RDX: variants seen among roughly 807,000 people sequenced by gnomAD.
RDX encodes radixin.
RDX carries 32 observed loss-of-function variants against 83.7 expected under a neutral mutation model. The ratio of observed to expected loss-of-function variants is 0.38; its 90% confidence interval spans 0.29 to 0.51. The LOEUF (loss-of-function observed/expected upper bound fraction) is 0.51. Ranked by LOEUF, RDX falls within the 20% of genes least tolerant of loss-of-function variation. The probability of loss-of-function intolerance (pLI) is 0.87; values close to 1 mark genes in which losing one functional copy is unlikely to be tolerated. For synonymous variants in RDX, 229 were observed against 222.7 expected (o/e 1.03, Z -0.25); for missense variants, 600 against 689.9 (o/e 0.87, Z 1.46).
chr11:110,264,727 A>G (rs1191465166), intron 4 of RDX, 52 bp downstream of exon 4: 18 of 1,338,488 alleles, frequency 1.3e-5, no homozygotes, highest in Non-Finnish European at 1.7e-5. Context: ...GCACAAATTC[A>G]TAACTTCAAC....
At chr11:110,264,519 A>C (rs1859939745) in intron 4 of RDX, among the ~76,000 whole-genome samples, 1 of 152,076 alleles carries the variant, frequency 6.6e-6, no homozygotes, top group Non-Finnish European at 1.5e-5. Flanking sequence ...TGAAGTACTT[A>C]GTATGCCATT....
rs1360629846 is a variant in RDX at position 110,267,321 on chromosome 11, T to G, written c.97-2447A>C. On this transcript the variant is annotated intron_variant, in intron 3 of 13. Transcript: ENST00000645495. ...TGAGGCTAAGAGTTCAAGACCAGCC[T>G]GGTCAACATGGTGAAACCCCATCTC... Among the ~76,000 whole-genome samples the G allele has an allele frequency of 2.6e-5, 4 of 152,012 alleles. No individual in the cohort carries two copies. The East Asian group carries it at 5.9e-4, about 22-fold the overall frequency.
chr11:110,187,776 G>A (rs1029827741), intron 15 of RDX, among the ~76,000 whole-genome samples: 1 of 152,236 alleles, frequency 6.6e-6, no homozygotes, highest in Admixed American at 6.5e-5. Context: ...CCCTTCCGGG[G>A]GTTGAGCAGG....
At chr11:110,254,668 G>A (rs547266410) in intron 8 of RDX, among the ~76,000 whole-genome samples, 1 of 152,124 alleles carries the variant, frequency 6.6e-6, no homozygotes, top group Non-Finnish European at 1.5e-5. Flanking sequence ...TAGAGATGAA[G>A]TTTCACCACG....
intron 14 of RDX, among the ~76,000 whole-genome samples, chr11:110,210,046 C>T (rs1175854231): frequency 1.9e-4 from 21 of 112,944 alleles, no homozygotes; most frequent in Admixed American, 4.5e-4. Flanking sequence ...CTCTGAGCTA[C>T]GGGAGGACAT....
At chr11:110,295,129 C>A (rs1337561857) in intron 1 of RDX, among the ~76,000 whole-genome samples, 1 of 152,100 alleles carries the variant, frequency 6.6e-6, no homozygotes, top group African/African-American at 2.4e-5. Flanking sequence ...ATAAAGCACA[C>A]TGGGGAAAGC....
intron 15 of RDX, among the ~76,000 whole-genome samples, chr11:110,186,252 C>G (rs1206856342): frequency 6.6e-6 from 1 of 152,290 alleles, no homozygotes; most frequent in East Asian, 1.9e-4. Flanking sequence ...TAAACACACA[C>G]TGCAGTCTTT....
At chr11:110,184,507 T>A (rs575748540) in intron 15 of RDX, among the ~76,000 whole-genome samples, 1 of 151,714 alleles carries the variant, frequency 6.6e-6, no homozygotes, top group Non-Finnish European at 1.5e-5. Flanking sequence ...GCAGGGTGGG[T>A]GGTAGAGCCT....
chr11:110,266,264 C>T (rs935205090), intron 3 of RDX, among the ~76,000 whole-genome samples: 2 of 151,444 alleles, frequency 1.3e-5, no homozygotes, highest in Non-Finnish European at 2.9e-5. Context: ...ACCCGGGAAG[C>T]GGAGCTTGCA....
chr11:110,206,924 T>C (rs750849484), intron 14 of RDX, among the ~76,000 whole-genome samples: 9 of 152,138 alleles, frequency 5.9e-5, no homozygotes, highest in Admixed American at 2.0e-4. Flanking sequence ...CAAAGTGTGG[T>C]CCCAAAACAG....
intron 15 of RDX, among the ~76,000 whole-genome samples, chr11:110,178,559 TGGGAAGACG>T: frequency 6.6e-6 from 1 of 152,282 alleles, no homozygotes; most frequent in South Asian, 2.1e-4. Flanking sequence ...GATCATGCTG[TGGGAAGACG>T]GGACAGGTTC....
chr11:110,284,528 T>TA (rs1169907990), intron 1 of RDX, among the ~76,000 whole-genome samples: 1 of 9,872 alleles, frequency 1.0e-4, no homozygotes, highest in African/African-American at 4.9e-4. Flanking sequence ...TTATTATTAT[T>TA]TTTTTTTTTT....
At chr11:110,179,460 A>G (rs1023759211) in intron 15 of RDX, among the ~76,000 whole-genome samples, 1 of 152,184 alleles carries the variant, frequency 6.6e-6, no homozygotes, top group African/African-American at 2.4e-5. Flanking sequence ...CTGCCTCCAC[A>G]GAGTAATCAG....
chr11:110,182,775 T>C (rs11821648), intron 15 of RDX, among the ~76,000 whole-genome samples: 1,566 of 152,326 alleles, frequency 0.01, 35 homozygotes, highest in African/African-American at 0.036. Flanking sequence ...GTGAGCAGGC[T>C]GTCCGGGGTA....
chr11:110,224,221 TA>T (rs1298726577), intron 14 of RDX, among the ~76,000 whole-genome samples: 6,290 of 146,366 alleles, frequency 0.043, 399 homozygotes, highest in African/African-American at 0.14. Flanking sequence ...ATATATATAT[TA>T]AAAAAAAAAA....
chr11:110,264,591 CTT>C (rs1322878145), intron 4 of RDX, among the ~76,000 whole-genome samples, 186 bp downstream of exon 4: 11 of 137,098 alleles, frequency 8.0e-5, no homozygotes, highest in Admixed American at 7.3e-5. Context: ...GTAAGCATTT[CTT>C]TTTTTTTTTT....
At chr11:110,204,307 T>C (rs1591509158) in intron 14 of RDX, among the ~76,000 whole-genome samples, 1 of 147,486 alleles carries the variant, frequency 6.8e-6, no homozygotes, top group Non-Finnish European at 1.5e-5. Flanking sequence ...CAGCCAGAAA[T>C]AGTTTTCAAA....
Position 110,221,601 on chromosome 11 carries a change from AACACACACACACAC to A in RDX, c.1748+10258_1748+10271del, listed in dbSNP as rs60766252. ...CAACAGAGCAAGACCCTGTCTCCAA[AACACACACACACAC>A]ACACACACACACACACACACACACA... On this transcript the variant is annotated intron_variant, in intron 14 of 15. Transcript: ENST00000528498. Among the ~76,000 whole-genome samples, 266 of 133,594 alleles carry A rather than the reference AACACACACACACAC, an allele frequency of 2.0e-3. 1 individual carries two copies. The highest frequency in any genetic ancestry group is 6.5e-3 in the African/African-American group (228 of 34,810). 87.6% of individuals were successfully genotyped at this position (133,594 alleles called of 152,430 possible).
intron 15 of RDX, among the ~76,000 whole-genome samples, chr11:110,193,828 A>G (rs1392225347): frequency 6.6e-6 from 1 of 152,202 alleles, no homozygotes; most frequent in Non-Finnish European, 1.5e-5. Flanking sequence ...TCAATCCTTC[A>G]CAGCTTCATT....
Sources: gnomAD v4.1 joint callset for allele counts (sites outside exome capture counted in the v4.1 genomes callset) on GRCh38, gnomAD v4.1.1 for gene constraint, MANE v1.5 for transcripts, NCBI Gene and HGNC (gene_info 2026-07-23, HGNC 2026-07-21) for gene names.